SAMD12: variants seen among roughly 807,000 people sequenced by gnomAD.
SAMD12 encodes the protein sterile alpha motif domain containing 12, also known as sterile alpha motif domain-containing protein 12.
Under a neutral mutation model 15.0 loss-of-function variants are expected in SAMD12, and 9 were observed. The observed-to-expected ratio is 0.60, with a 90% CI of 0.36 to 1.05. The LOEUF is 1.05. SAMD12 is among the 50% of genes least tolerant of loss of function. The pLI, the probability that SAMD12 is intolerant of heterozygous loss-of-function variation, is 0.01. For synonymous variants in SAMD12, 86 were observed against 90.1 expected, an observed-to-expected ratio of 0.96 and a Z score of 0.25; for missense variants, 230 against 234.2, an observed-to-expected ratio of 0.98 and a Z score of 0.12.
rs1224821409 is a variant in SAMD12, at chr8:118,378,501, C to T, written c.*916G>A. ...CGATCACTTGAAATCTATATTTATC[C>T]TTCTAGAATAGTCATCTTTCAGGGA... On this transcript the variant is annotated 3_prime_UTR_variant, in exon 4 of 4. Transcript: ENST00000314727. 1 of 984,282 alleles carries T rather than the reference C, an allele frequency of 1.0e-6. No individual in the cohort carries two copies. Among genetic ancestry groups the T allele is most frequent in the Non-Finnish European group, 1.2e-6 (1 of 829,072 alleles). 61.0% of individuals were successfully genotyped at this position (984,282 alleles called of 1,614,324 possible). A position where few individuals can be genotyped will look rare whatever the true frequency, so the allele number is the denominator to read the frequency against.
intron 3 of SAMD12, among the ~76,000 whole-genome samples, chr8:118,424,312 A>G (rs1482587911): frequency 6.6e-6 from 1 of 152,200 alleles, no homozygotes; most frequent in Non-Finnish European, 1.5e-5. Context: ...ACAAACTTTG[A>G]TGTGGAGTTC....
At chr8:118,299,338 G>A (rs1322295419) in intron 4 of SAMD12, among the ~76,000 whole-genome samples, 2 of 152,172 alleles carry the variant, frequency 1.3e-5, no homozygotes, top group Admixed American at 6.5e-5. Context: ...GCAGGTAAGA[G>A]ATTCAGCAAA....
intron 3 of SAMD12, among the ~76,000 whole-genome samples, chr8:118,422,421 A>C (rs538657992): frequency 2.0e-5 from 3 of 152,196 alleles, no homozygotes; most frequent in Non-Finnish European, 1.5e-5. Flanking sequence ...TTTTGCTTGG[A>C]GAGGTCCAGA....
At chr8:118,256,729 A>G (rs894594239) in intron 4 of SAMD12, among the ~76,000 whole-genome samples, 2 of 151,088 alleles carry the variant, frequency 1.3e-5, no homozygotes. Context: ...TTGATAAATG[A>G]TTATAAAATG....
chr8:118,440,016 T>C (rs1432745313), intron 2 of SAMD12, 55 bp from the exon 3 acceptor site: 1 of 1,584,766 alleles, frequency 6.3e-7, no homozygotes, highest in Non-Finnish European at 8.6e-7. Context: ...AGGAAGACAC[T>C]ATAGTTAAAA....
chr8:118,340,494 C>T (rs754886954), intron 4 of SAMD12, among the ~76,000 whole-genome samples: 5 of 152,114 alleles, frequency 3.3e-5, no homozygotes, highest in Non-Finnish European at 5.9e-5. Flanking sequence ...CCCTGCCAGG[C>T]GCAGTGGCTC....
intron 3 of SAMD12, among the ~76,000 whole-genome samples, chr8:118,423,030 T>A (rs962081287): frequency 5.9e-4 from 90 of 152,012 alleles, no homozygotes; most frequent in African/African-American, 2.1e-3. Context: ...TACAAAAAAA[T>A]TTGGCCAAGT....
the SAMD12 span, among the ~76,000 whole-genome samples, chr8:118,182,614 A>G: frequency 6.6e-6 from 1 of 152,208 alleles, no homozygotes; most frequent in Non-Finnish European, 1.5e-5. Flanking sequence ...ATGAATAAAT[A>G]AAAGCTCTTG....
intron 2 of SAMD12, among the ~76,000 whole-genome samples, chr8:118,574,967 G>C (rs1283950154): frequency 2.0e-5 from 3 of 152,190 alleles, no homozygotes; most frequent in Admixed American, 6.6e-5. Context: ...AATGTAATTT[G>C]ATCAAGGTTA....
At chr8:118,256,922 T>C (rs2085377453) in intron 4 of SAMD12, among the ~76,000 whole-genome samples, 1 of 152,022 alleles carries the variant, frequency 6.6e-6, no homozygotes, top group Non-Finnish European at 1.5e-5. Context: ...ATTTAGCAAC[T>C]GTAACACTCC....
chr8:118,486,231 G>T (rs184493764), intron 2 of SAMD12, among the ~76,000 whole-genome samples: 6 of 151,320 alleles, frequency 4.0e-5, no homozygotes, highest in African/African-American at 1.2e-4. Flanking sequence ...TGGCTAACAC[G>T]GTGAAACTCC....
the SAMD12 span, among the ~76,000 whole-genome samples, chr8:118,173,716 GC>G: frequency 6.8e-6 from 1 of 148,082 alleles, no homozygotes; most frequent in South Asian, 2.1e-4. Flanking sequence ...TGCCACCTCT[GC>G]CTCCTGGGTT....
intron 2 of SAMD12, among the ~76,000 whole-genome samples, chr8:118,518,847 CT>C (rs1056910547): frequency 6.6e-6 from 1 of 152,198 alleles, no homozygotes; most frequent in Non-Finnish European, 1.5e-5. Context: ...GCTGTGTCTT[CT>C]TTATCTCAAT....
intron 4 of SAMD12, among the ~76,000 whole-genome samples, chr8:118,321,323 A>G (rs1362547549): frequency 4.2e-5 from 6 of 141,298 alleles, no homozygotes; most frequent in Admixed American, 7.1e-5. Context: ...TTTTTTTTAA[A>G]GAAAAGTAGG....
At chr8:118,145,811 T>C in the SAMD12 span, among the ~76,000 whole-genome samples, 2 of 151,968 alleles carry the variant, frequency 1.3e-5, no homozygotes, top group African/African-American at 4.8e-5. Context: ...GCTAAAGGAG[T>C]CCTGAGTTGG....
At chr8:118,375,031 G>A (rs142784834), downstream of SAMD12, among the ~76,000 whole-genome samples, 6 of 152,074 alleles carry the variant, frequency 3.9e-5, no homozygotes, top group Admixed American at 6.6e-5. Context: ...ATTGTCTATG[G>A]TTGGGTTTTG....
At chr8:118,359,589 G>C (rs1029510497) in intron 4 of SAMD12, among the ~76,000 whole-genome samples, 6 of 152,118 alleles carry the variant, frequency 3.9e-5, no homozygotes, top group Admixed American at 3.9e-4. Flanking sequence ...TAAGAGCATC[G>C]CGCTCCTGGA....
the SAMD12 span, among the ~76,000 whole-genome samples, chr8:118,169,776 T>C: frequency 6.6e-6 from 1 of 152,234 alleles, no homozygotes; most frequent in African/African-American, 2.4e-5. Flanking sequence ...CTCCTGCTTC[T>C]AAAGTGCTAC....
chr8:118,283,736 A>G (rs1209210684), intron 4 of SAMD12, among the ~76,000 whole-genome samples: 1 of 152,204 alleles, frequency 6.6e-6, no homozygotes, highest in East Asian at 1.9e-4. Context: ...ACTTAGGCAG[A>G]TGGAGGGAAA....
Sources: gnomAD v4.1 joint callset for allele counts (sites outside exome capture counted in the v4.1 genomes callset) on GRCh38, gnomAD v4.1.1 for gene constraint, MANE v1.5 for transcripts, NCBI Gene and HGNC (gene_info 2026-07-23, HGNC 2026-07-21) for gene names.